Variants in ADCK1 observed in about 807,000 individuals in gnomAD.
ADCK1 encodes the protein aarF domain-containing protein kinase 1.
Under a neutral mutation model 52.3 loss-of-function variants are expected in ADCK1, and 41 were observed. The observed-to-expected ratio is 0.78, with a 90% CI of 0.61 to 1.02. The LOEUF (loss-of-function observed/expected upper bound fraction) is 1.02. ADCK1 is among the 50% of genes least tolerant of loss of function. The probability of loss-of-function intolerance (pLI) is 0.00; values close to 1 mark genes in which losing one functional copy is unlikely to be tolerated. For synonymous variants in ADCK1, 250 were observed against 274.6 expected (o/e 0.91, Z 0.89); for missense variants, 658 against 679.5 (o/e 0.97, Z 0.35).
At chr14:77,858,861 G>A (rs1266269264) in intron 3 of ADCK1, among the ~76,000 whole-genome samples, 2 of 152,148 alleles carry the variant, frequency 1.3e-5, no homozygotes, top group African/African-American at 4.8e-5. Context: ...GTGTTTGAAG[G>A]GCGGCCTCTG....
In ADCK1 at chr14:77,924,728, C is replaced by T. The variant is rs1255115087; in HGVS notation, c.1008+122C>T. ...GTAGCTGGAAAGGACCCTTCCCTCT[C>T]CCTTGGAGCTGTCATTTTGTGCAAG... On this transcript the variant is annotated intron_variant, in intron 8 of 10. Transcript: ENST00000238561. 7 of 1,320,280 alleles carry T rather than the reference C, an allele frequency of 5.3e-6. No individual in the cohort carries two copies. The East Asian group carries it at 1.2e-4, about 23-fold the overall frequency. The allele number at this position is 1,320,280 out of a possible 1,614,324, so 81.8% of individuals were successfully genotyped here. A position where few individuals can be genotyped will look rare whatever the true frequency, so the allele number is the denominator to read the frequency against.
intron 6 of ADCK1, among the ~76,000 whole-genome samples, chr14:77,905,694 A>G (rs2083650365): frequency 6.6e-6 from 1 of 151,094 alleles, no homozygotes; most frequent in Admixed American, 6.6e-5. Flanking sequence ...CACGCCTGTA[A>G]TCCCAGCACT....
Position 77,934,390 on chromosome 14 carries a change from G to T in ADCK1, c.*999G>T, listed in dbSNP as rs571269019. The T allele has an allele frequency of 6.6e-6, 1 of 152,062 alleles. No individual in the cohort carries two copies. The highest frequency in any genetic ancestry group is 1.5e-5 in the Non-Finnish European group (1 of 68,054). The allele number at this position is 152,062 out of a possible 1,614,324, so 9.4% of individuals were successfully genotyped here. On this transcript the variant is annotated 3_prime_UTR_variant, in exon 11 of 11. Coordinates refer to ENST00000238561, the MANE Select transcript of ADCK1 (RefSeq NM_020421.4). ...TGGACCTTGTTTTTCTGTGACCTGGGTACCAACCTTGTTCTACTGTTTCCT... is the reference window on the plus strand; with the variant it reads ...TGGACCTTGTTTTTCTGTGACCTGGTTACCAACCTTGTTCTACTGTTTCCT...
At chr14:77,829,938 A>C (rs776985632) in intron 3 of ADCK1, among the ~76,000 whole-genome samples, 2 of 151,058 alleles carry the variant, frequency 1.3e-5, no homozygotes, top group Non-Finnish European at 1.5e-5. Context: ...GGGGTTGTCT[A>C]TAAGAAAAAG....
chr14:77,840,983 A>C (rs1566655616), intron 3 of ADCK1, among the ~76,000 whole-genome samples: 1 of 152,142 alleles, frequency 6.6e-6, no homozygotes, highest in Non-Finnish European at 1.5e-5. Context: ...TTCTTCTGCA[A>C]TCTTCATTCC....
At chr14:77,847,783 C>A (rs905346020) in intron 3 of ADCK1, among the ~76,000 whole-genome samples, 5 of 152,218 alleles carry the variant, frequency 3.3e-5, no homozygotes, top group African/African-American at 1.2e-4. Context: ...CCCTGGCTTC[C>A]TTCTCACAAT....
intron 3 of ADCK1, among the ~76,000 whole-genome samples, chr14:77,844,114 CTGG>C (rs1290124149): frequency 6.6e-6 from 1 of 151,930 alleles, no homozygotes; most frequent in Non-Finnish European, 1.5e-5. Flanking sequence ...GTTGCTCAGG[CTGG>C]AGTGCAGTGA....
At chr14:77,887,521 C>T (rs1294913688) in intron 5 of ADCK1, among the ~76,000 whole-genome samples, 1 of 152,088 alleles carries the variant, frequency 6.6e-6, no homozygotes, top group African/African-American at 2.4e-5. Context: ...CTGCTAGGGG[C>T]CAAGGGGACC....
chr14:77,850,817 AT>A (rs879739678), intron 3 of ADCK1, among the ~76,000 whole-genome samples: 64 of 144,524 alleles, frequency 4.4e-4, no homozygotes, highest in South Asian at 4.4e-4. Flanking sequence ...CGCCTGGCTA[AT>A]TTTTTTTTTT....
At chr14:77,813,522 G>A (rs1392128307) in intron 1 of ADCK1, among the ~76,000 whole-genome samples, 1 of 152,132 alleles carries the variant, frequency 6.6e-6, no homozygotes, top group Non-Finnish European at 1.5e-5. Context: ...TGTTGGCCAG[G>A]CTGGTCTCAA....
chr14:77,847,175 G>C (rs913067700), intron 3 of ADCK1, among the ~76,000 whole-genome samples: 4 of 152,312 alleles, frequency 2.6e-5, no homozygotes, highest in Middle Eastern at 3.4e-3. Context: ...GCACAGGAGA[G>C]AGCTGATAAC....
intron 3 of ADCK1, among the ~76,000 whole-genome samples, chr14:77,835,625 G>A (rs1447923920): frequency 3.9e-5 from 6 of 152,162 alleles, no homozygotes; most frequent in Admixed American, 2.6e-4. Flanking sequence ...AAGATTTATT[G>A]TCAGTGATTC....
intron 3 of ADCK1, among the ~76,000 whole-genome samples, chr14:77,852,676 T>TA (rs2082318962): frequency 1.2e-4 from 4 of 32,866 alleles, no homozygotes; most frequent in Non-Finnish European, 2.4e-4. Flanking sequence ...TATATATATA[T>TA]ATATATATAT....
chr14:77,903,037 C>G (rs1278229155), intron 6 of ADCK1, among the ~76,000 whole-genome samples: 2 of 152,204 alleles, frequency 1.3e-5, no homozygotes, highest in African/African-American at 4.8e-5. Context: ...TCTACTGTTC[C>G]CATGGAAACA....
chr14:77,933,385 A>G lies in ADCK1; in HGVS notation c.1566A>G (p.Pro522=), dbSNP rs555392257. The G allele has an allele frequency of 6.2e-7, 1 of 1,613,374 alleles. No homozygotes were observed. Among genetic ancestry groups the G allele is most frequent in the Admixed American group, 1.7e-5 (1 of 59,958 alleles). Residue 522 remains proline (P), a synonymous_variant, in exon 11 of 11, where the codon CCA becomes CCG. Coordinates refer to ENST00000238561, the MANE Select transcript of ADCK1 (RefSeq NM_020421.4). The part of the protein sequence containing the change: ...LALICWLFPA[P]L ...TAATATGCTGGCTGTTCCCTGCTCCACTCTGAGTGGAATTGCTCTCCCTGC... is the reference window on the plus strand; with the variant it reads ...TAATATGCTGGCTGTTCCCTGCTCCGCTCTGAGTGGAATTGCTCTCCCTGC...
intron 4 of ADCK1, among the ~76,000 whole-genome samples, chr14:77,859,591 A>G (rs1327511212): frequency 6.6e-6 from 1 of 152,226 alleles, no homozygotes; most frequent in Non-Finnish European, 1.5e-5. Context: ...TTGAAGCTTT[A>G]TCCTCAGTAG....
At chr14:77,892,420 A>G (rs907719109) in intron 5 of ADCK1, among the ~76,000 whole-genome samples, 4 of 152,112 alleles carry the variant, frequency 2.6e-5, no homozygotes, top group Non-Finnish European at 5.9e-5. Flanking sequence ...ACTAACCCTT[A>G]TTATCTCACA....
chr14:77,917,760 CAG>C (rs774986269), intron 7 of ADCK1, among the ~76,000 whole-genome samples: 1 of 151,992 alleles, frequency 6.6e-6, no homozygotes, highest in Non-Finnish European at 1.5e-5. Flanking sequence ...CTTTAGTTAA[CAG>C]TGTGGTTTTG....
intron 7 of ADCK1, among the ~76,000 whole-genome samples, chr14:77,915,624 A>G (rs1033679682): frequency 2.6e-5 from 4 of 152,196 alleles, no homozygotes; most frequent in African/African-American, 9.7e-5. Flanking sequence ...CATGGATGAA[A>G]CTGGAAACCA....
Sources: gnomAD v4.1 joint callset for allele counts (sites outside exome capture counted in the v4.1 genomes callset) on GRCh38, gnomAD v4.1.1 for gene constraint, MANE v1.5 for transcripts, NCBI Gene and HGNC (gene_info 2026-07-23, HGNC 2026-07-21) for gene names.